KAZN: variants seen among roughly 807,000 people sequenced by gnomAD.
KAZN encodes kazrin.
A neutral mutation model predicts 87.4 loss-of-function variants in KAZN; 40 were observed. The observed-to-expected ratio is 0.46, with a 90% CI of 0.36 to 0.60. The LOEUF (loss-of-function observed/expected upper bound fraction) is 0.60. Among genes scored for constraint, KAZN ranks in the 20% least tolerant of loss-of-function variants. KAZN has a pLI of 0.00. For missense variants in KAZN, 898 were observed against 1,073.9 expected (o/e 0.84, Z 2.29); for synonymous variants, 466 against 458.3 (o/e 1.02, Z -0.22).
chr1:14,059,738 G>T (rs1052303093), intron 1 of KAZN, among the ~76,000 whole-genome samples: 14 of 152,192 alleles, frequency 9.2e-5, no homozygotes, highest in African/African-American at 3.4e-4. Flanking sequence ...TGCTATCCAC[G>T]ATGCAAGGAA....
At chr1:14,066,456 C>T (rs945004013) in intron 1 of KAZN, among the ~76,000 whole-genome samples, 3 of 152,194 alleles carry the variant, frequency 2.0e-5, no homozygotes, top group Non-Finnish European at 4.4e-5. Context: ...CTCGTTCTCA[C>T]TTCTTGGGGT....
chr1:14,784,001 A>G (rs1031907075), intron 1 of KAZN, among the ~76,000 whole-genome samples: 1 of 152,198 alleles, frequency 6.6e-6, no homozygotes, highest in African/African-American at 2.4e-5. Context: ...TCAGAGTTCA[A>G]CCAGAGAAGC....
At chr1:14,445,113 C>G (rs1405249787) in intron 2 of KAZN, among the ~76,000 whole-genome samples, 1 of 151,948 alleles carries the variant, frequency 6.6e-6, no homozygotes, top group Non-Finnish European at 1.5e-5. Flanking sequence ...ACAACTTCCG[C>G]CTCCCGGGTT....
rs944253520 is a variant in KAZN at position 14,645,684 on chromosome 1, G to A, written c.226+46461G>A. On this transcript the variant is annotated intron_variant, in intron 1 of 14. Coordinates refer to ENST00000376030, the MANE Select transcript of KAZN (RefSeq NM_201628.3). ...TGTTTTCTAGATACAGAATCATGTC[G>A]TCTGCCAACAGGGGTAGTTTGACTT... Among the ~76,000 whole-genome samples the A allele has an allele frequency of 3.3e-5, 5 of 152,172 alleles. No individual in the cohort carries two copies. The East Asian group carries it at 5.8e-4, about 18-fold the overall frequency.
At chr1:14,895,339 G>A (rs887471539) in intron 1 of KAZN, among the ~76,000 whole-genome samples, 1 of 152,322 alleles carries the variant, frequency 6.6e-6, no homozygotes, top group South Asian at 2.1e-4. Context: ...AACGCAGACC[G>A]CCCTTGATTA....
chr1:14,018,323 A>C (rs1316274933), intron 1 of KAZN, among the ~76,000 whole-genome samples: 1 of 152,142 alleles, frequency 6.6e-6, no homozygotes, highest in Non-Finnish European at 1.5e-5. Context: ...ACGATGTTTG[A>C]TTCTAGGCAA....
intron 2 of KAZN, among the ~76,000 whole-genome samples, chr1:14,473,811 A>G (rs1668580821): frequency 6.6e-6 from 1 of 152,042 alleles, no homozygotes; most frequent in Non-Finnish European, 1.5e-5. Context: ...TGTCTACCAC[A>G]GGGCCTTTGC....
intron 1 of KAZN, among the ~76,000 whole-genome samples, chr1:14,015,488 TTTTTTTTTTG>T (rs1640523257): frequency 4.4e-5 from 5 of 114,518 alleles, no homozygotes; most frequent in Admixed American, 8.6e-5. Context: ...TTTTTTTTTT[TTTTTTTTTTG>T]AGATGGAGTT....
At chr1:14,973,722 G>T (rs1313304454) in intron 2 of KAZN, among the ~76,000 whole-genome samples, 1 of 152,122 alleles carries the variant, frequency 6.6e-6, no homozygotes, top group Non-Finnish European at 1.5e-5. Context: ...AGAAGAAAAG[G>T]GGGGTGGTAC....
chr1:14,516,200 A>G (rs1167484062), intron 2 of KAZN, among the ~76,000 whole-genome samples: 1 of 152,198 alleles, frequency 6.6e-6, no homozygotes, highest in Non-Finnish European at 1.5e-5. Flanking sequence ...AGGTTAGAGC[A>G]GGTTACAGAG....
intron 2 of KAZN, among the ~76,000 whole-genome samples, chr1:14,567,333 A>G (rs375292546): frequency 6.6e-6 from 1 of 152,208 alleles, no homozygotes; most frequent in Admixed American, 6.5e-5. Context: ...GTTGTGGTTC[A>G]TGGCACCCCA....
At chr1:14,377,204 T>C (rs1196271475) in intron 2 of KAZN, among the ~76,000 whole-genome samples, 1 of 152,226 alleles carries the variant, frequency 6.6e-6, no homozygotes, top group African/African-American at 2.4e-5. Flanking sequence ...CAAAATAACA[T>C]GAGGGCAGGA....
intron 1 of KAZN, among the ~76,000 whole-genome samples, chr1:14,753,615 A>G (rs1016971523): frequency 1.3e-5 from 2 of 152,188 alleles, no homozygotes; most frequent in African/African-American, 2.4e-5. Flanking sequence ...AAAACACAGG[A>G]GAAAAATGGA....
chr1:14,274,513 TGCCAAG>T (rs1652197247), intron 2 of KAZN, among the ~76,000 whole-genome samples: 1 of 152,198 alleles, frequency 6.6e-6, no homozygotes, highest in South Asian at 2.1e-4. Context: ...AAAATGCAGA[TGCCAAG>T]GCCCACCTGT....
intron 2 of KAZN, among the ~76,000 whole-genome samples, chr1:14,390,980 T>C (rs1344892814): frequency 6.6e-6 from 1 of 152,228 alleles, no homozygotes; most frequent in Non-Finnish European, 1.5e-5. Context: ...GTGAAGATAT[T>C]GGCTTCGACT....
intron 1 of KAZN, among the ~76,000 whole-genome samples, chr1:14,085,954 C>T (rs757758664): frequency 6.6e-6 from 1 of 152,072 alleles, no homozygotes; most frequent in Non-Finnish European, 1.5e-5. Context: ...TGAAGTGATA[C>T]CCCATAGTGG....
chr1:14,216,873 C>G (rs1331356287), intron 2 of KAZN, among the ~76,000 whole-genome samples: 1 of 152,116 alleles, frequency 6.6e-6, no homozygotes, highest in East Asian at 1.9e-4. Context: ...CATTGCACTA[C>G]AGCCTAGGTG....
At chr1:14,190,274 G>A (rs1487648462) in intron 2 of KAZN, among the ~76,000 whole-genome samples, 1 of 152,134 alleles carries the variant, frequency 6.6e-6, no homozygotes, top group Non-Finnish European at 1.5e-5. Flanking sequence ...TAAAGGTAGT[G>A]AAAGATTATT....
intron 2 of KAZN, among the ~76,000 whole-genome samples, chr1:15,033,676 A>C (rs556309397): frequency 1.7e-4 from 26 of 152,094 alleles, no homozygotes; most frequent in Non-Finnish European, 2.6e-4. Context: ...ATTGATACCG[A>C]GTTTTTTCAT....
Sources: allele counts gnomAD v4.1 joint callset (sites outside exome capture counted in the v4.1 genomes callset), GRCh38; gene constraint gnomAD v4.1.1; transcripts MANE v1.5; gene names NCBI Gene and HGNC (gene_info 2026-07-23, HGNC 2026-07-21).